Variants in LINC00632 observed in about 807,000 individuals in gnomAD.
The protein encoded by LINC00632 is ALDOA related specific transcript.
At chrX:140,778,618 GAAA>G (rs57214136) in exon 5 of LINC00632, among the ~76,000 whole-genome samples, 1,797 of 40,274 alleles carry the variant, frequency 0.045, 46 homozygotes, top group African/African-American at 0.11. Flanking sequence ...AACAAACAAA[GAAA>G]AAAAAAAAAA....
At chrX:140,766,865 C>T (rs59262713) in intron 3 of LINC00632, among the ~76,000 whole-genome samples, 2 of 110,890 alleles carry the variant, frequency 1.8e-5, no homozygotes, top group African/African-American at 6.6e-5. Flanking sequence ...TATTTCTTAC[C>T]GTTTTGATAG....
intron 3 of LINC00632, among the ~76,000 whole-genome samples, chrX:140,765,033 C>A (rs936362471): frequency 9.8e-5 from 11 of 111,861 alleles, no homozygotes; most frequent in African/African-American, 3.6e-4. Flanking sequence ...CATGCAGTCT[C>A]TTTAAAATTC....
chrX:140,769,139 C>T (rs906501906), intron 3 of LINC00632, among the ~76,000 whole-genome samples: 67 of 111,056 alleles, frequency 6.0e-4, no homozygotes, highest in Admixed American at 1.1e-3. Flanking sequence ...ACAAGGTCAC[C>T]GATGGTCAGT....
At chrX:140,710,269 AT>A (rs1437382808) in intron 1 of LINC00632, among the ~76,000 whole-genome samples, 1 of 112,085 alleles carries the variant, frequency 8.9e-6, no homozygotes, top group Non-Finnish European at 1.9e-5. Context: ...ATTTTTTTAA[AT>A]TAAGAAAGTC....
At chrX:140,771,637 AC>A (rs1931795797) in intron 3 of LINC00632, among the ~76,000 whole-genome samples, 1 of 93,355 alleles carries the variant, frequency 1.1e-5, no homozygotes, top group Non-Finnish European at 2.1e-5. Context: ...ACACACACAC[AC>A]ACACACATAC....
At chrX:140,723,827 GCACA>G (rs1329087464) in intron 2 of LINC00632, among the ~76,000 whole-genome samples, 1 of 1,913 alleles carries the variant, frequency 5.2e-4, no homozygotes, top group East Asian at 0.021. Context: ...CACATTCCAT[GCACA>G]CACACACATT....
intron 2 of LINC00632, among the ~76,000 whole-genome samples, chrX:140,728,251 AAAAAG>A (rs1312070361): frequency 9.2e-6 from 1 of 109,288 alleles, no homozygotes; most frequent in Non-Finnish European, 1.9e-5. Flanking sequence ...AAAAAAAAAA[AAAAAG>A]AAAGAAAGAA....
exon 5 of LINC00632, among the ~76,000 whole-genome samples, chrX:140,781,944 C>A (rs758744724): frequency 8.9e-6 from 1 of 111,928 alleles, no homozygotes; most frequent in East Asian, 2.8e-4. Flanking sequence ...TGATCTAAAG[C>A]CAAGCAGTTC....
chrX:140,786,234 C>CTG (rs1406204413), exon 5 of LINC00632, among the ~76,000 whole-genome samples: 1 of 112,206 alleles, frequency 8.9e-6, no homozygotes, highest in East Asian at 2.8e-4. Context: ...TTACAAAGTG[C>CTG]TGTCACCTCA....
At chrX:140,752,393 G>T (rs979767231) in intron 3 of LINC00632, among the ~76,000 whole-genome samples, 5 of 111,463 alleles carry the variant, frequency 4.5e-5, no homozygotes, top group African/African-American at 1.6e-4. Flanking sequence ...CAACCACCAG[G>T]CATAGTCATT....
At chrX:140,750,788 G>A (rs1485298844) in intron 3 of LINC00632, among the ~76,000 whole-genome samples, 2 of 110,243 alleles carry the variant, frequency 1.8e-5, no homozygotes, top group Admixed American at 9.7e-5. Flanking sequence ...ATCCTTTCCC[G>A]GTGAGTCTCC....
intron 2 of LINC00632, among the ~76,000 whole-genome samples, chrX:140,727,377 C>T (rs755215570): frequency 1.8e-5 from 2 of 111,718 alleles, no homozygotes; most frequent in East Asian, 2.8e-4. Context: ...CTGCAACCTC[C>T]GCCTCCTGGG....
At chrX:140,736,009 A>G (rs1329410917) in intron 3 of LINC00632, among the ~76,000 whole-genome samples, 3 of 111,976 alleles carry the variant, frequency 2.7e-5, no homozygotes, top group African/African-American at 9.7e-5. Flanking sequence ...TTTCAGAAAA[A>G]GTGTCTGACT....
chrX:140,790,382 A>G (rs1253888135), exon 5 of LINC00632, among the ~76,000 whole-genome samples: 1 of 110,661 alleles, frequency 9.0e-6, no homozygotes, highest in Non-Finnish European at 1.9e-5. Context: ...CTATATGGGT[A>G]TATTTTTTTG....
chrX:140,726,044 A>G (rs764739973), intron 2 of LINC00632, among the ~76,000 whole-genome samples: 1 of 111,079 alleles, frequency 9.0e-6, no homozygotes, highest in African/African-American at 3.3e-5. Flanking sequence ...GTCCTACAAT[A>G]CAGGGGCATG....
chrX:140,772,466 C>T (rs1262100894), exon 4 of LINC00632: 6 of 290,754 alleles, frequency 2.1e-5, no homozygotes, highest in African/African-American at 1.1e-4. Context: ...TGTAAATATG[C>T]GTGAGTTAGG....
At chrX:140,757,743 T>A (rs1461752389) in intron 3 of LINC00632, among the ~76,000 whole-genome samples, 1 of 110,821 alleles carries the variant, frequency 9.0e-6, no homozygotes, top group Non-Finnish European at 1.9e-5. Context: ...ATTTTTGTAT[T>A]TTTAGTAGAG....
exon 5 of LINC00632, among the ~76,000 whole-genome samples, chrX:140,787,322 C>A (rs6636117): frequency 1.8e-5 from 2 of 111,608 alleles, no homozygotes; most frequent in East Asian, 5.6e-4. Context: ...TTCTTTCTTA[C>A]ACTTAATAAA....
At chrX:140,766,355 A>C (rs1265159383) in intron 3 of LINC00632, among the ~76,000 whole-genome samples, 1 of 112,385 alleles carries the variant, frequency 8.9e-6, no homozygotes, top group Middle Eastern at 4.2e-3. Flanking sequence ...TATTATTAAA[A>C]ACTGATGGAT....
Sources: allele counts gnomAD v4.1 joint callset (sites outside exome capture counted in the v4.1 genomes callset), GRCh38; gene constraint gnomAD v4.1.1; transcripts MANE v1.5; gene names NCBI Gene and HGNC (gene_info 2026-07-23, HGNC 2026-07-21).